The following SLC28A3 variants were observed in gnomAD, a reference collection of about 807,000 sequenced individuals.
SLC28A3 encodes concentrative Na(+)-nucleoside cotransporter 3.
A neutral mutation model predicts 84.2 loss-of-function variants in SLC28A3; 68 were observed. That is an observed-to-expected ratio of 0.81 (90% CI 0.66 to 0.99). The LOEUF (loss-of-function observed/expected upper bound fraction) is 0.99, where lower values mean the gene tolerates loss of function less well. Among genes scored for constraint, SLC28A3 ranks in the 50% least tolerant of loss-of-function variants. The probability of loss-of-function intolerance (pLI) is 0.00; values close to 1 mark genes in which losing one functional copy is unlikely to be tolerated. For synonymous variants in SLC28A3, 267 were observed against 303.6 expected, an observed-to-expected ratio of 0.88 and a Z score of 1.25; for missense variants, 712 against 841.5, an observed-to-expected ratio of 0.85 and a Z score of 1.90.
At chr9:84,343,568 G>A (rs1464439185), upstream of SLC28A3, among the ~76,000 whole-genome samples, 1 of 152,114 alleles carries the variant, frequency 6.6e-6, no homozygotes. Context: ...ACCTTCTGCT[G>A]CTTTTATATG....
intron 10 of SLC28A3, among the ~76,000 whole-genome samples, chr9:84,290,559 G>A (rs890254123): frequency 6.6e-6 from 1 of 152,112 alleles, no homozygotes; most frequent in African/African-American, 2.4e-5. Flanking sequence ...CACCATCGAC[G>A]TCTGGGTTAT....
intron 1 of SLC28A3, among the ~76,000 whole-genome samples, chr9:84,338,710 T>G (rs556345108): frequency 6.6e-6 from 1 of 152,288 alleles, no homozygotes; most frequent in Non-Finnish European, 1.5e-5. Flanking sequence ...GCTGCCATAC[T>G]TCCTCTGACT....
chr9:84,302,927 T>A (rs1317313612), intron 4 of SLC28A3, among the ~76,000 whole-genome samples: 1 of 152,192 alleles, frequency 6.6e-6, no homozygotes, highest in African/African-American at 2.4e-5. Flanking sequence ...AAGAGCAGAT[T>A]CTAGGATAAG....
chr9:84,357,044 C>G, the SLC28A3 span, among the ~76,000 whole-genome samples: 1 of 152,078 alleles, frequency 6.6e-6, no homozygotes, highest in Non-Finnish European at 1.5e-5. Context: ...ATAGTGCATT[C>G]ATTTATGCCA....
intron 4 of SLC28A3, 65 bp from the exon 5 acceptor site, chr9:84,302,454 G>A: frequency 1.3e-6 from 2 of 1,535,632 alleles, no homozygotes; most frequent in Non-Finnish European, 1.8e-6. Flanking sequence ...CCAGGCTCCA[G>A]CCTTGTTCTG....
the SLC28A3 span, among the ~76,000 whole-genome samples, chr9:84,360,523 G>T: frequency 6.6e-6 from 1 of 151,914 alleles, no homozygotes; most frequent in Admixed American, 6.6e-5. Context: ...AATGTGAGTT[G>T]GCAGGAAGTT....
upstream of SLC28A3, among the ~76,000 whole-genome samples, chr9:84,345,237 C>CA (rs386415324): frequency 0.15 from 20,413 of 138,650 alleles, 2,444 homozygotes; most frequent in African/African-American, 0.32. Context: ...TTACCAAAGG[C>CA]AAAAAAAAAA....
At chr9:84,306,429 A>C (rs1025053049) in intron 3 of SLC28A3, among the ~76,000 whole-genome samples, 1 of 152,060 alleles carries the variant, frequency 6.6e-6, no homozygotes, top group African/African-American at 2.4e-5. Flanking sequence ...GACTTCTAAA[A>C]AGTCTTCTTG....
chr9:84,314,729 G>A (rs999230850), intron 1 of SLC28A3, among the ~76,000 whole-genome samples: 1 of 152,196 alleles, frequency 6.6e-6, no homozygotes, highest in African/African-American at 2.4e-5. Flanking sequence ...ATGACCCACA[G>A]TAATTTTAAT....
At chr9:84,334,570 C>T (rs1384931446) in intron 1 of SLC28A3, among the ~76,000 whole-genome samples, 3 of 151,966 alleles carry the variant, frequency 2.0e-5, no homozygotes, top group Non-Finnish European at 4.4e-5. Context: ...TGACAGTTCG[C>T]CTTATAAGTT....
chr9:84,364,120 C>CTTTTT, the SLC28A3 span, among the ~76,000 whole-genome samples: 3 of 85,290 alleles, frequency 3.5e-5, no homozygotes, highest in Non-Finnish European at 6.4e-5. Flanking sequence ...CAGTTACACT[C>CTTTTT]TTTTTTTTTT....
chr9:84,286,807 T>C (rs1444700183), intron 12 of SLC28A3, among the ~76,000 whole-genome samples: 1 of 152,160 alleles, frequency 6.6e-6, no homozygotes, highest in Non-Finnish European at 1.5e-5. Context: ...TACTCTTCTT[T>C]GATCTCATCC....
chr9:84,319,892 T>C (rs1449895667), intron 1 of SLC28A3, among the ~76,000 whole-genome samples: 1 of 152,116 alleles, frequency 6.6e-6, no homozygotes, highest in Non-Finnish European at 1.5e-5. Flanking sequence ...ACGATATTAC[T>C]TAACCCCTGA....
chr9:84,287,961 G>T, intron 12 of SLC28A3, 87 bp downstream of exon 12: 1 of 1,543,516 alleles, frequency 6.5e-7, no homozygotes, highest in Non-Finnish European at 8.9e-7. Flanking sequence ...GTGCTTTCCG[G>T]TTATCAAATT....
At chr9:84,330,762 AAT>A (rs1319704292) in intron 1 of SLC28A3, among the ~76,000 whole-genome samples, 10 of 152,288 alleles carry the variant, frequency 6.6e-5, no homozygotes, top group African/African-American at 2.4e-4. Context: ...GTATGAAACA[AAT>A]ATAAATTATT....
At chr9:84,282,330 A>C (rs1294213206) in intron 14 of SLC28A3, among the ~76,000 whole-genome samples, 1 of 151,680 alleles carries the variant, frequency 6.6e-6, no homozygotes, top group East Asian at 1.9e-4. Context: ...CTATATGTCG[A>C]TTATAGTTGT....
rs1824530078 is a variant in SLC28A3 at position 84,276,499 on chromosome 9, A to G, written c.*1719T>C. 2 of 152,144 alleles carry G rather than the reference A, an allele frequency of 1.3e-5. No individual in the cohort carries two copies. Among genetic ancestry groups the G allele is most frequent in the African/African-American group, 4.8e-5 (2 of 41,418 alleles). 9.4% of individuals were successfully genotyped at this position (152,144 alleles called of 1,614,324 possible). On this transcript the variant is annotated 3_prime_UTR_variant, in exon 18 of 18. Coordinates refer to ENST00000376238, the MANE Select transcript of SLC28A3 (RefSeq NM_001199633.2). ...AAACCAAAACCTGTAAACAAAGTAA[A>G]TGCATGTCCACAGAGGAATGGTATG...
chr9:84,335,148 C>T (rs1294604079), intron 1 of SLC28A3, among the ~76,000 whole-genome samples: 2 of 152,180 alleles, frequency 1.3e-5, no homozygotes, highest in East Asian at 1.9e-4. Flanking sequence ...TTCATCTACC[C>T]CTTCATGAAG....
intron 8 of SLC28A3, among the ~76,000 whole-genome samples, chr9:84,296,656 T>G (rs555394236): frequency 6.6e-6 from 1 of 152,310 alleles, no homozygotes; most frequent in South Asian, 2.1e-4. Context: ...TGTAAAATAA[T>G]GTTCCTTCTT....
Sources: gnomAD v4.1 joint callset for allele counts (sites outside exome capture counted in the v4.1 genomes callset) on GRCh38, gnomAD v4.1.1 for gene constraint, MANE v1.5 for transcripts, NCBI Gene and HGNC (gene_info 2026-07-23, HGNC 2026-07-21) for gene names.